Variants in BANK1 observed in about 807,000 individuals in gnomAD.
BANK1 encodes B cell scaffold protein with ankyrin repeats 1, also known as B-cell scaffold protein with ankyrin repeats.
In BANK1, 95 loss-of-function variants were observed where a neutral mutation model predicts 94.5. The ratio of observed to expected loss-of-function variants is 1.00; its 90% confidence interval spans 0.85 to 1.19. BANK1 has a LOEUF of 1.19. Among genes scored for constraint, BANK1 ranks in the 50% most tolerant of loss-of-function variants. The pLI, the probability that BANK1 is intolerant of heterozygous loss-of-function variation, is 0.00. For missense variants in BANK1, 987 were observed against 932.2 expected, an observed-to-expected ratio of 1.06 and a Z score of -0.77; for synonymous variants, 334 against 308.4, an observed-to-expected ratio of 1.08 and a Z score of -0.87.
At position 101,803,997 on chromosome 4, in the gene BANK1, CAAAAAAAAAA is replaced by C. The variant is rs55704915; in HGVS notation, c.70+13066_70+13075del. On this transcript the variant is annotated intron_variant, in intron 1 of 16. Transcript: ENST00000322953. ...TGGGCGACAGAGCGAGACTCCGTCTCAAAAAAAAAAAAAAAAAAAAAAAAAAAAGAAATAT... is the reference window on the plus strand; with the variant it reads ...TGGGCGACAGAGCGAGACTCCGTCTCAAAAAAAAAAAAAAAAAAGAAATAT... Among the ~76,000 whole-genome samples the C allele has an allele frequency of 6.8e-3, 464 of 68,392 alleles. 6 individuals are homozygous for C. In the East Asian group the frequency reaches 0.097, roughly 14 times the overall value. The allele number at this position is 68,392 out of a possible 152,430, so 44.9% of individuals were successfully genotyped here. A position where few individuals can be genotyped will look rare whatever the true frequency, so the allele number is the denominator to read the frequency against.
At chr4:101,946,496 C>T (rs979546486) in intron 7 of BANK1, among the ~76,000 whole-genome samples, 1 of 151,956 alleles carries the variant, frequency 6.6e-6, no homozygotes, top group African/African-American at 2.4e-5. Context: ...TAGTCATGCA[C>T]TAATATTAGC....
chr4:102,061,677 CA>C (rs2148964245), intron 12 of BANK1: 1 of 152,266 alleles, frequency 6.6e-6, no homozygotes, highest in South Asian at 2.1e-4. Context: ...ACCTAAATAT[CA>C]TTTTGGAAAT....
chr4:101,865,380 C>T (rs1415835966), intron 4 of BANK1, among the ~76,000 whole-genome samples: 1 of 152,034 alleles, frequency 6.6e-6, no homozygotes, highest in Non-Finnish European at 1.5e-5. Context: ...TTTAGGATGT[C>T]CCCACACTTT....
At chr4:102,010,231 C>CTCCA (rs1726455210) in intron 7 of BANK1, among the ~76,000 whole-genome samples, 1 of 151,952 alleles carries the variant, frequency 6.6e-6, no homozygotes, top group South Asian at 2.1e-4. Flanking sequence ...AGCCACTGCA[C>CTCCA]TCCAGCCTGG....
intron 11 of BANK1, among the ~76,000 whole-genome samples, chr4:102,058,819 AT>A (rs1195276217): frequency 2.6e-5 from 4 of 151,464 alleles, no homozygotes; most frequent in Non-Finnish European, 4.4e-5. Flanking sequence ...TAAAAAAAAA[AT>A]AATAATAATA....
At chr4:102,059,871 A>G (rs1728352992) in intron 11 of BANK1, among the ~76,000 whole-genome samples, 1 of 152,210 alleles carries the variant, frequency 6.6e-6, no homozygotes, top group Non-Finnish European at 1.5e-5. Context: ...GGCAGGCACT[A>G]TGCTAAGTAT....
intron 7 of BANK1, among the ~76,000 whole-genome samples, 170 bp from the exon 8 acceptor site, chr4:102,021,344 A>G (rs1028544670): frequency 1.3e-5 from 2 of 152,068 alleles, no homozygotes; most frequent in African/African-American, 4.8e-5. Context: ...TTCCCTCGTT[A>G]TACTTTTAGT....
chr4:102,031,037 C>T (rs1398315449), intron 10 of BANK1, among the ~76,000 whole-genome samples: 1 of 152,176 alleles, frequency 6.6e-6, no homozygotes, highest in African/African-American at 2.4e-5. Flanking sequence ...AATGATTGAA[C>T]TAATTTACAC....
intron 7 of BANK1, among the ~76,000 whole-genome samples, chr4:101,942,517 AAAAT>A (rs1311434142): frequency 2.6e-5 from 4 of 151,924 alleles, no homozygotes; most frequent in African/African-American, 9.7e-5. Context: ...TCTCTTATGG[AAAAT>A]AAATAAATGG....
At chr4:101,917,875 C>T (rs1396236535) in intron 6 of BANK1, 118 bp from the exon 7 acceptor site, 5 of 589,092 alleles carry the variant, frequency 8.5e-6, no homozygotes, top group Non-Finnish European at 1.4e-5. Flanking sequence ...TAGTTTCTTA[C>T]ACAAAAAGTC....
intron 11 of BANK1, among the ~76,000 whole-genome samples, chr4:102,053,675 T>C (rs907970820): frequency 6.6e-6 from 1 of 151,774 alleles, no homozygotes; most frequent in African/African-American, 2.4e-5. Context: ...TAAAAAGAAA[T>C]TACATTATTA....
chr4:102,007,840 A>G (rs962423981), intron 7 of BANK1, among the ~76,000 whole-genome samples: 4 of 152,138 alleles, frequency 2.6e-5, no homozygotes, highest in African/African-American at 9.7e-5. Context: ...ATTTTAAATG[A>G]TTACTAAATT....
intron 7 of BANK1, among the ~76,000 whole-genome samples, chr4:101,963,204 T>G (rs943867497): frequency 4.6e-5 from 7 of 152,236 alleles, no homozygotes; most frequent in Admixed American, 1.3e-4. Flanking sequence ...TAGTCTTTCT[T>G]TCCAAAAGCT....
chr4:102,041,633 C>T (rs1727705598), intron 10 of BANK1, among the ~76,000 whole-genome samples: 1 of 151,934 alleles, frequency 6.6e-6, no homozygotes, highest in Non-Finnish European at 1.5e-5. Context: ...CTGGGCATGA[C>T]CTACTACACG....
intron 7 of BANK1, 67 bp downstream of exon 7, chr4:101,918,256 G>A (rs1722893461): frequency 2.7e-6 from 3 of 1,127,012 alleles, no homozygotes; most frequent in African/African-American, 1.6e-5. Context: ...ACTGTAAGAA[G>A]AAAAAACCTA....
intron 1 of BANK1, among the ~76,000 whole-genome samples, chr4:101,801,144 T>C (rs1437475260): frequency 6.6e-6 from 1 of 152,170 alleles, no homozygotes; most frequent in African/African-American, 2.4e-5. Flanking sequence ...TGTTGAGGAC[T>C]TAAAATATGT....
rs147551407 is a variant in BANK1 at position 101,901,996 on chromosome 4, G to A, written c.1009+6586G>A. Among the ~76,000 whole-genome samples the A allele has an allele frequency of 2.9e-3, 442 of 152,144 alleles. 13 individuals are homozygous for A. In the East Asian group the frequency reaches 0.067, roughly 23 times the overall value. On this transcript the variant is annotated intron_variant, in intron 6 of 16. Transcript: ENST00000322953. ...AGGATGGTCTCGATTTCCTGACCTC[G>A]TGATCTGCCCACCTCGGCCTCCCAA...
intron 3 of BANK1, among the ~76,000 whole-genome samples, chr4:101,858,999 A>T (rs1338157296): frequency 6.6e-6 from 1 of 152,178 alleles, no homozygotes; most frequent in Non-Finnish European, 1.5e-5. Flanking sequence ...AGGCCATAAG[A>T]ATCTCAGAGA....
intron 6 of BANK1, among the ~76,000 whole-genome samples, chr4:101,906,900 G>T (rs1481690961): frequency 6.6e-6 from 1 of 152,160 alleles, no homozygotes; most frequent in African/African-American, 2.4e-5. Flanking sequence ...AGTGGCACTA[G>T]AGGAATTAAA....
Sources: gnomAD v4.1 joint callset for allele counts (sites outside exome capture counted in the v4.1 genomes callset) on GRCh38, gnomAD v4.1.1 for gene constraint, MANE v1.5 for transcripts, NCBI Gene and HGNC (gene_info 2026-07-23, HGNC 2026-07-21) for gene names.